Variants in STK3 observed in about 807,000 individuals in gnomAD.
STK3 encodes the protein serine/threonine kinase 3, also known as serine/threonine-protein kinase 3.
STK3 carries 41 observed loss-of-function variants against 58.0 expected under a neutral mutation model. The observed-to-expected ratio is 0.71, with a 90% CI of 0.55 to 0.92. STK3 has a LOEUF of 0.92. STK3 is among the 40% of genes least tolerant of loss of function. The pLI is 0.00. For missense variants in STK3, 479 were observed against 602.7 expected, an observed-to-expected ratio of 0.79 and a Z score of 2.15; for synonymous variants, 170 against 191.0, an observed-to-expected ratio of 0.89 and a Z score of 0.91.
At chr8:98,443,510 G>A (rs1488959417) in intron 1 of STK3, among the ~76,000 whole-genome samples, 1 of 152,168 alleles carries the variant, frequency 6.6e-6, no homozygotes, top group Non-Finnish European at 1.5e-5. Context: ...TCCTCATGGA[G>A]GCCAGCAAAG....
intron 6 of STK3, among the ~76,000 whole-genome samples, chr8:98,618,064 A>G (rs1483154333): frequency 2.0e-5 from 3 of 151,774 alleles, no homozygotes; most frequent in Non-Finnish European, 4.4e-5. Flanking sequence ...AAAATCCTCA[A>G]TAAAATACTG....
At chr8:98,662,025 T>C (rs1563862613) in intron 6 of STK3, among the ~76,000 whole-genome samples, 1 of 152,126 alleles carries the variant, frequency 6.6e-6, no homozygotes, top group African/African-American at 2.4e-5. Context: ...AGCATAAAGA[T>C]TGTTTCCTTA....
intron 6 of STK3, among the ~76,000 whole-genome samples, chr8:98,599,543 CCCTGGCACT>C (rs1816152036): frequency 6.6e-6 from 1 of 151,952 alleles, no homozygotes; most frequent in Admixed American, 6.6e-5. Context: ...TATTAAAAAA[CCCTGGCACT>C]CTAACTGCCT....
intron 10 of STK3, among the ~76,000 whole-genome samples, chr8:98,505,775 C>T (rs1422485796): frequency 6.6e-6 from 1 of 152,156 alleles, no homozygotes; most frequent in African/African-American, 2.4e-5. Context: ...AAGCTTCATC[C>T]CAGAGGGGCA....
intron 3 of STK3, chr8:98,875,741 C>T (rs1411279581): frequency 6.6e-6 from 1 of 152,194 alleles, no homozygotes; most frequent in Non-Finnish European, 1.5e-5. Context: ...TATTCTGCCA[C>T]GTGAAATTTT....
chr8:98,349,901 T>C, the STK3 span, among the ~76,000 whole-genome samples: 1 of 151,936 alleles, frequency 6.6e-6, no homozygotes, highest in Non-Finnish European at 1.5e-5. Flanking sequence ...TCCAGGCCTG[T>C]GATGGGAGGG....
intron 6 of STK3, among the ~76,000 whole-genome samples, chr8:98,638,127 A>C (rs1354997209): frequency 6.6e-6 from 1 of 152,192 alleles, no homozygotes; most frequent in Non-Finnish European, 1.5e-5. Flanking sequence ...ATGTACATAT[A>C]ATCATAATTT....
chr8:98,352,970 A>G, the STK3 span, among the ~76,000 whole-genome samples: 1 of 152,202 alleles, frequency 6.6e-6, no homozygotes. Context: ...TTATGCATGA[A>G]TAAGTGTGGG....
chr8:98,681,675 A>G (rs962825940), intron 6 of STK3, among the ~76,000 whole-genome samples: 1 of 152,220 alleles, frequency 6.6e-6, no homozygotes, highest in Non-Finnish European at 1.5e-5. Flanking sequence ...CAGCAGCTAA[A>G]AATATATAAC....
downstream of STK3, among the ~76,000 whole-genome samples, chr8:98,400,453 G>A (rs192446671): frequency 9.5e-4 from 144 of 152,300 alleles, no homozygotes; most frequent in Non-Finnish European, 6.9e-4. Flanking sequence ...CACCCATCCC[G>A]GGCTCTGTCC....
At chr8:98,879,181 T>C (rs1837701717), downstream of STK3, 1 of 152,246 alleles carries the variant, frequency 6.6e-6, no homozygotes, top group African/African-American at 2.4e-5. Flanking sequence ...CTGTATACTT[T>C]AAATCATCTG....
At chr8:98,904,788 G>A (rs1428821928) in intron 1 of STK3, 35 of 671,804 alleles carry the variant, frequency 5.2e-5, no homozygotes, top group Middle Eastern at 5.3e-4. Flanking sequence ...AGTGGTGGCC[G>A]GAGCGGCAGC....
intron 8 of STK3, among the ~76,000 whole-genome samples, chr8:98,567,446 C>T (rs1263609443): frequency 6.6e-6 from 1 of 152,154 alleles, no homozygotes; most frequent in African/African-American, 2.4e-5. Context: ...TATCCACCTG[C>T]CTTGGCCTCT....
At chr8:98,619,111 AC>A (rs1818029974) in intron 6 of STK3, among the ~76,000 whole-genome samples, 1 of 150,896 alleles carries the variant, frequency 6.6e-6, no homozygotes, top group African/African-American at 2.4e-5. Context: ...TGGTACCAAA[AC>A]AGAGATATAG....
intron 6 of STK3, among the ~76,000 whole-genome samples, chr8:98,695,306 C>T (rs542235496): frequency 6.6e-6 from 1 of 152,240 alleles, no homozygotes; most frequent in African/African-American, 2.4e-5. Flanking sequence ...TGCCTGTTCA[C>T]TCTGATGGTA....
chr8:98,615,477 C>T (rs1373649142), intron 6 of STK3, among the ~76,000 whole-genome samples: 3 of 150,106 alleles, frequency 2.0e-5, no homozygotes, highest in African/African-American at 4.9e-5. Context: ...CTTTGACGAG[C>T]TGAGAGAAGA....
chr8:98,900,461 A>G (rs899841357), intron 1 of STK3, among the ~76,000 whole-genome samples: 1 of 152,092 alleles, frequency 6.6e-6, no homozygotes, highest in African/African-American at 2.4e-5. Context: ...ATTATATGAA[A>G]TCGCCCCACA....
At chr8:98,490,626 G>A (rs933127047) in intron 10 of STK3, among the ~76,000 whole-genome samples, 4 of 152,076 alleles carry the variant, frequency 2.6e-5, no homozygotes, top group Non-Finnish European at 5.9e-5. Context: ...AATCACTGTA[G>A]CATCCAGCAC....
rs370084906 is a variant in STK3, at chr8:98,558,261, A to G, written c.949-10100T>C. Among the ~76,000 whole-genome samples, 369 of 152,274 alleles carry G rather than the reference A, an allele frequency of 2.4e-3. 1 individual carries two copies. Among genetic ancestry groups the G allele is most frequent in the African/African-American group, 8.6e-3 (356 of 41,588 alleles). On this transcript the variant is annotated intron_variant, in intron 8 of 10. Transcript: ENST00000419617. ...AAAAGACTAAAATTCCACTATTTGG[A>G]GATTTACACAAATAGGTTTATAAAA...
Sources: gnomAD v4.1 joint callset for allele counts (sites outside exome capture counted in the v4.1 genomes callset) on GRCh38, gnomAD v4.1.1 for gene constraint, MANE v1.5 for transcripts, NCBI Gene and HGNC (gene_info 2026-07-23, HGNC 2026-07-21) for gene names.